MCUB: variants seen among roughly 807,000 people sequenced by gnomAD.
MCUB encodes mitochondrial calcium uniporter dominant negative subunit beta.
In MCUB, 46 loss-of-function variants were observed where a neutral mutation model predicts 41.4. That is an observed-to-expected ratio of 1.11 (90% CI 0.88 to 1.42). MCUB has a LOEUF of 1.42. Ranked by LOEUF, MCUB falls within the 40% of genes most tolerant of loss-of-function variation. MCUB has a pLI of 0.00. For synonymous variants in MCUB, 148 were observed against 148.2 expected, an observed-to-expected ratio of 1.00 and a Z score of 0.01; for missense variants, 403 against 404.9, an observed-to-expected ratio of 1.00 and a Z score of 0.04.
intron 4 of MCUB, among the ~76,000 whole-genome samples, chr4:109,668,168 G>T (rs1331108192): frequency 6.6e-6 from 1 of 152,088 alleles, no homozygotes; most frequent in Non-Finnish European, 1.5e-5. Context: ...TGGTGCTATT[G>T]AGTTCAACTG....
At position 109,664,314 on chromosome 4, in the gene MCUB, C is replaced by T. The variant is rs780684900; in HGVS notation, c.371C>T (p.Thr124Ile). 1 of 1,567,132 alleles carries T rather than the reference C, an allele frequency of 6.4e-7. No individual in the cohort carries two copies. Among genetic ancestry groups the T allele is most frequent in the Non-Finnish European group, 8.8e-7 (1 of 1,137,554 alleles). ...GATGGCAACATGATTTCAGCTTCTA[C>T]CTTGATGGATATTTTGCTAATGAAT... ...TADGNMISAS[T>I]LMDILLMNDF... The change falls in exon 4 of 8, where the codon ACC becomes ATC. Residue 124 changes from threonine (T) to isoleucine (I), a missense_variant. By Grantham distance (89) the Thr-to-Ile change is moderately conservative (BLOSUM62 -1). Coordinates refer to ENST00000394650, the MANE Select transcript of MCUB (RefSeq NM_017918.5).
chr4:109,579,860 C>A (rs772051187), intron 1 of MCUB, among the ~76,000 whole-genome samples: 2 of 152,074 alleles, frequency 1.3e-5, no homozygotes, highest in Non-Finnish European at 2.9e-5. Flanking sequence ...TGAACCAAAT[C>A]CCCAAAAATG....
intron 4 of MCUB, chr4:109,673,934 C>A: frequency 1.3e-6 from 1 of 785,838 alleles, no homozygotes. Flanking sequence ...CCATTCGTAC[C>A]CATTGGAATA....
intron 1 of MCUB, among the ~76,000 whole-genome samples, chr4:109,612,816 C>T (rs1028208622): frequency 4.6e-5 from 7 of 152,052 alleles, no homozygotes; most frequent in African/African-American, 1.7e-4. Flanking sequence ...AATAAGAATA[C>T]AGGAATTAGG....
intron 1 of MCUB, among the ~76,000 whole-genome samples, chr4:109,567,545 G>C (rs997305182): frequency 7.0e-6 from 1 of 142,306 alleles, no homozygotes; most frequent in South Asian, 2.3e-4. Flanking sequence ...ATGGTGGCAC[G>C]TGCCTGTAAT....
intron 1 of MCUB, among the ~76,000 whole-genome samples, chr4:109,603,685 G>A (rs1727800706): frequency 6.6e-6 from 1 of 151,348 alleles, no homozygotes; most frequent in African/African-American, 2.4e-5. Context: ...ACCCCGTCTG[G>A]GAACTGAGGA....
At chr4:109,613,085 A>G (rs552698134) in intron 1 of MCUB, among the ~76,000 whole-genome samples, 11 of 152,256 alleles carry the variant, frequency 7.2e-5, no homozygotes, top group Middle Eastern at 3.4e-3. Context: ...CAGCCTGGGC[A>G]ACAGGACCAG....
At chr4:109,592,920 AC>A (rs1367264410) in intron 1 of MCUB, among the ~76,000 whole-genome samples, 1 of 152,248 alleles carries the variant, frequency 6.6e-6, no homozygotes, top group Non-Finnish European at 1.5e-5. Flanking sequence ...TTTGAGAGTA[AC>A]AGACTCAGAA....
At chr4:109,600,897 C>T (rs373054262) in intron 1 of MCUB, among the ~76,000 whole-genome samples, 1 of 152,070 alleles carries the variant, frequency 6.6e-6, no homozygotes, top group Non-Finnish European at 1.5e-5. Flanking sequence ...TGGGTTCAAG[C>T]GATTGTCCTG....
chr4:109,570,208 T>G (rs1050449877), intron 1 of MCUB, among the ~76,000 whole-genome samples: 11 of 152,354 alleles, frequency 7.2e-5, no homozygotes, highest in African/African-American at 2.6e-4. Flanking sequence ...TTAGGGCTTT[T>G]TTATGTATTG....
At chr4:109,626,916 C>G (rs1433087419) in intron 1 of MCUB, among the ~76,000 whole-genome samples, 1 of 150,936 alleles carries the variant, frequency 6.6e-6, no homozygotes, top group Non-Finnish European at 1.5e-5. Flanking sequence ...TGCATTTTGT[C>G]ACATTATAAT....
chr4:109,676,077 A>T (rs1729571968), intron 4 of MCUB, among the ~76,000 whole-genome samples: 1 of 152,234 alleles, frequency 6.6e-6, no homozygotes, highest in Non-Finnish European at 1.5e-5. Flanking sequence ...GAATTTGGTA[A>T]TGGGCAAAGG....
chr4:109,562,477 A>G (rs1292480946), intron 1 of MCUB, among the ~76,000 whole-genome samples: 1 of 152,204 alleles, frequency 6.6e-6, no homozygotes, highest in Admixed American at 6.5e-5. Flanking sequence ...TAGGACTACT[A>G]AACCATTTTC....
Position 109,664,290 on chromosome 4 carries a change from A to T in MCUB, c.347A>T (p.Asp116Val). The change falls in exon 4 of 8, where the codon GAT (aspartate) becomes GTT (valine). Residue 116 changes from aspartate (D) to valine (V), a missense_variant and splice_region_variant. Coordinates refer to ENST00000394650, the MANE Select transcript of MCUB (RefSeq NM_017918.5). ...CTCATGCATGATGTTTTTCTTTCAG[A>T]TGGCAACATGATTTCAGCTTCTACC... ...GIKTAAIFTADGNMISASTLM... is the reference protein window; with the variant it reads ...GIKTAAIFTAVGNMISASTLM... 6.7e-7 allele frequency: 1 copy of T among 1,491,238 alleles called. No homozygotes were observed. Among genetic ancestry groups the T allele is most frequent in the Non-Finnish European group, 9.4e-7 (1 of 1,068,924 alleles). The allele number at this position is 1,491,238 out of a possible 1,614,324, so 92.4% of individuals were successfully genotyped here. A position where few individuals can be genotyped will look rare whatever the true frequency, so the allele number is the denominator to read the frequency against.
At chr4:109,589,170 G>A (rs1579052861) in intron 1 of MCUB, among the ~76,000 whole-genome samples, 1 of 152,232 alleles carries the variant, frequency 6.6e-6, no homozygotes, top group South Asian at 2.1e-4. Flanking sequence ...AGAACCTGAA[G>A]TATAAGGTCT....
chr4:109,601,122 C>T (rs147287603), intron 1 of MCUB, among the ~76,000 whole-genome samples: 180 of 151,978 alleles, frequency 1.2e-3, no homozygotes, highest in African/African-American at 4.0e-3. Context: ...AAAAAGTATT[C>T]TCTCAATTTT....
intron 1 of MCUB, among the ~76,000 whole-genome samples, chr4:109,618,634 T>G (rs1728179914): frequency 6.6e-6 from 1 of 152,212 alleles, no homozygotes. Context: ...AACAGCCTGG[T>G]GTGACAGATT....
intron 1 of MCUB, among the ~76,000 whole-genome samples, chr4:109,593,597 T>G (rs538914788): frequency 1.3e-5 from 2 of 152,222 alleles, no homozygotes; most frequent in Non-Finnish European, 2.9e-5. Context: ...TTAGTGAAAT[T>G]TGTTTAGAAC....
At chr4:109,567,599 C>T (rs1185131963) in intron 1 of MCUB, among the ~76,000 whole-genome samples, 1 of 132,486 alleles carries the variant, frequency 7.5e-6, no homozygotes, top group Non-Finnish European at 1.6e-5. Flanking sequence ...TAGTAGAGAC[C>T]GAGTTTGGTT....
Sources: gnomAD v4.1 joint callset for allele counts (sites outside exome capture counted in the v4.1 genomes callset) on GRCh38, gnomAD v4.1.1 for gene constraint, MANE v1.5 for transcripts, NCBI Gene and HGNC (gene_info 2026-07-23, HGNC 2026-07-21) for gene names.